Variants in ANK2 observed in about 807,000 individuals in gnomAD.
The protein encoded by ANK2 is ankyrin-2.
ANK2 carries 83 observed loss-of-function variants against 360.5 expected under a neutral mutation model. The ratio of observed to expected loss-of-function variants is 0.23; its 90% CI spans 0.19 to 0.28. ANK2 has a LOEUF of 0.28. Ranked by LOEUF, ANK2 falls within the 10% of genes least tolerant of loss-of-function variation. The probability of loss-of-function intolerance (pLI) is 1.00; values close to 1 mark genes in which losing one functional copy is unlikely to be tolerated. For synonymous variants in ANK2, 1,740 were observed against 1,759.5 expected (o/e 0.99, Z 0.28); for missense variants, 4,201 against 4,795.7 (o/e 0.88, Z 3.66).
At chr4:113,271,479 G>GACACCCAC (rs2058480702) in intron 14 of ANK2, among the ~76,000 whole-genome samples, 1 of 150,318 alleles carries the variant, frequency 6.7e-6, no homozygotes, top group South Asian at 2.1e-4. Context: ...TGCACGCACA[G>GACACCCAC]ACACACACAC....
At chr4:113,332,097 G>A (rs1316750329) in intron 28 of ANK2, 27 bp downstream of exon 28, 16 of 1,564,136 alleles carry the variant, frequency 1.0e-5, no homozygotes, top group Non-Finnish European at 1.4e-5. Context: ...ACAAATTGAT[G>A]GCTGCTGGCC....
chr4:113,208,082 C>A (rs1413460732), intron 4 of ANK2, among the ~76,000 whole-genome samples: 2 of 151,952 alleles, frequency 1.3e-5, no homozygotes, highest in Admixed American at 6.6e-5. Context: ...ATTTTATGAG[C>A]CATATTAAGG....
the ANK2 span, among the ~76,000 whole-genome samples, chr4:112,744,266 T>C: frequency 6.6e-6 from 1 of 152,188 alleles, no homozygotes; most frequent in South Asian, 2.1e-4. Context: ...TACAGAATAT[T>C]AGACTTTATG....
intron 4 of ANK2, among the ~76,000 whole-genome samples, chr4:113,213,624 T>G (rs1180309743): frequency 6.6e-6 from 1 of 152,220 alleles, no homozygotes; most frequent in African/African-American, 2.4e-5. Flanking sequence ...AATTTAAATT[T>G]TAATCTGCAA....
intron 2 of ANK2, among the ~76,000 whole-genome samples, chr4:112,941,610 G>A (rs2094215885): frequency 7.2e-6 from 1 of 138,774 alleles, no homozygotes; most frequent in Non-Finnish European, 1.6e-5. Context: ...TATATAAAAG[G>A]ATATAAATAT....
chr4:113,170,857 G>A (rs918240633), intron 1 of ANK2, among the ~76,000 whole-genome samples: 1 of 152,074 alleles, frequency 6.6e-6, no homozygotes, highest in African/African-American at 2.4e-5. Context: ...TTATAAAGGG[G>A]GCAAGTTTTA....
At chr4:113,128,452 A>G (rs1166139858) in intron 1 of ANK2, among the ~76,000 whole-genome samples, 1 of 152,196 alleles carries the variant, frequency 6.6e-6, no homozygotes, top group African/African-American at 2.4e-5. Flanking sequence ...TAAAATGATT[A>G]AAAATGTCCA....
chr4:112,838,604 A>G (rs1325002083), intron 1 of ANK2, among the ~76,000 whole-genome samples: 1 of 152,234 alleles, frequency 6.6e-6, no homozygotes, highest in Non-Finnish European at 1.5e-5. Context: ...CGCATGGCTC[A>G]TGCCTGTAAT....
At chr4:112,931,572 A>G (rs1269604415) in intron 2 of ANK2, among the ~76,000 whole-genome samples, 2 of 151,036 alleles carry the variant, frequency 1.3e-5, no homozygotes, top group East Asian at 2.0e-4. Flanking sequence ...GAGTAGCTGG[A>G]ATTCCAGCCA....
chr4:112,812,365 T>C, the ANK2 span, among the ~76,000 whole-genome samples: 2 of 152,226 alleles, frequency 1.3e-5, no homozygotes, highest in Non-Finnish European at 2.9e-5. Flanking sequence ...CTTCCTATAA[T>C]GTGATATTGA....
chr4:112,846,309 G>T (rs939284340), intron 1 of ANK2, among the ~76,000 whole-genome samples: 2 of 151,892 alleles, frequency 1.3e-5, no homozygotes, highest in Non-Finnish European at 2.9e-5. Context: ...ACAGGGTTTT[G>T]CTACGTTGCC....
At chr4:112,752,899 C>A in the ANK2 span, among the ~76,000 whole-genome samples, 1 of 152,176 alleles carries the variant, frequency 6.6e-6, no homozygotes, top group East Asian at 1.9e-4. Context: ...CTCCTGGGCT[C>A]AGGTGATCCT....
intron 4 of ANK2, among the ~76,000 whole-genome samples, chr4:113,217,656 T>C (rs2099100681): frequency 6.6e-6 from 1 of 152,122 alleles, no homozygotes; most frequent in Non-Finnish European, 1.5e-5. Flanking sequence ...GAGAATCTAA[T>C]GCCATCTCTG....
At position 113,355,786 on chromosome 4, in the gene ANK2, A is replaced by C. The variant is rs151218210; in HGVS notation, c.7168A>C (p.Lys2390Gln). ...KALPLPEASV[K>Q]TDTGTESKPQ... ...CTTGCCGCTGCCTGAGGCTTCTGTA[A>C]AGACAGATACAGGAACTGAATCAAA... The change falls in exon 38 of 46, where the codon AAG (lysine) becomes CAG (glutamine). Residue 2390 changes from lysine to glutamine, a missense_variant. Lys to Gln is a moderately conservative substitution (Grantham distance 53). Around this residue, in one of 4 missense-constraint regions of ANK2, gnomAD observed 2,642 missense variants for 2,714.5 expected, o/e 0.97. Coordinates refer to ENST00000357077, the MANE Select transcript of ANK2 (RefSeq NM_001148.6). The C allele has an allele frequency of 4.5e-5, 73 of 1,613,990 alleles. No homozygotes were observed. The highest frequency in any genetic ancestry group is 5.4e-5 in the Non-Finnish European group (64 of 1,179,974).
chr4:113,067,105 GA>G (rs1220631126), intron 1 of ANK2, among the ~76,000 whole-genome samples: 3 of 143,628 alleles, frequency 2.1e-5, no homozygotes, highest in African/African-American at 5.3e-5. Flanking sequence ...AGGGGACTTT[GA>G]AAGGCTTAAA....
chr4:113,140,751 G>A (rs2096607400), intron 1 of ANK2, among the ~76,000 whole-genome samples: 2 of 152,056 alleles, frequency 1.3e-5, no homozygotes, highest in African/African-American at 4.8e-5. Context: ...GGCCGAGGCA[G>A]GTGTATCACT....
intron 20 of ANK2, among the ~76,000 whole-genome samples, chr4:113,291,580 A>G (rs550568534): frequency 2.0e-5 from 3 of 152,340 alleles, no homozygotes; most frequent in Admixed American, 6.5e-5. Context: ...GCAAATATGT[A>G]TGTTGCTCAC....
intron 1 of ANK2, among the ~76,000 whole-genome samples, chr4:112,891,738 T>C (rs2080094814): frequency 6.6e-6 from 1 of 152,162 alleles, no homozygotes; most frequent in South Asian, 2.1e-4. Flanking sequence ...TGCATAGCAT[T>C]AGGAAAGAGG....
intron 1 of ANK2, among the ~76,000 whole-genome samples, chr4:113,127,019 A>G (rs373186071): frequency 2.0e-5 from 3 of 151,794 alleles, no homozygotes; most frequent in East Asian, 1.9e-4. Flanking sequence ...AGTCACTCCA[A>G]TGATCTTTAA....
Sources: allele counts gnomAD v4.1 joint callset (sites outside exome capture counted in the v4.1 genomes callset), GRCh38; gene constraint gnomAD v4.1.1; regional missense constraint gnomAD v4.1.1; transcripts MANE v1.5; gene names NCBI Gene and HGNC (gene_info 2026-07-23, HGNC 2026-07-21).